OSTN: variants seen among roughly 807,000 people sequenced by gnomAD.
The protein encoded by OSTN is osteocrin.
A neutral mutation model predicts 12.0 loss-of-function variants in OSTN; 9 were observed. The ratio of observed to expected loss-of-function variants is 0.75; its 90% confidence interval spans 0.45 to 1.30. The LOEUF (loss-of-function observed/expected upper bound fraction) is 1.30. Ranked by LOEUF, OSTN falls within the 50% of genes most tolerant of loss-of-function variation. OSTN has a pLI of 0.00. For missense variants in OSTN, 148 were observed against 152.3 expected, an observed-to-expected ratio of 0.97 and a Z score of 0.15; for synonymous variants, 59 against 56.9, an observed-to-expected ratio of 1.04 and a Z score of -0.16.
At chr3:191,199,710 T>G (rs1295026872) in intron 1 of OSTN, among the ~76,000 whole-genome samples, 2 of 152,122 alleles carry the variant, frequency 1.3e-5, no homozygotes, top group Non-Finnish European at 1.5e-5. Flanking sequence ...ATTATTTCTA[T>G]CAAAACTGGA....
intron 3 of OSTN, among the ~76,000 whole-genome samples, chr3:191,249,662 T>A (rs1429169294): frequency 6.6e-6 from 1 of 152,150 alleles, no homozygotes; most frequent in African/African-American, 2.4e-5. Flanking sequence ...AAACTACTTA[T>A]CCAGTTTAAT....
intron 4 of OSTN, among the ~76,000 whole-genome samples, 184 bp from the exon 5 acceptor site, chr3:191,262,682 A>G (rs1303136183): frequency 6.6e-6 from 1 of 152,244 alleles, no homozygotes; most frequent in Non-Finnish European, 1.5e-5. Flanking sequence ...TTTTTAATGT[A>G]TTTTGAACTG....
At chr3:191,217,309 G>A (rs751700584) in intron 2 of OSTN, 5 of 152,068 alleles carry the variant, frequency 3.3e-5, no homozygotes, top group Non-Finnish European at 7.3e-5. Context: ...GGGAGTATGA[G>A]GATTACAATT....
intron 3 of OSTN, among the ~76,000 whole-genome samples, chr3:191,221,781 A>G (rs1218701636): frequency 6.6e-6 from 1 of 152,248 alleles, no homozygotes; most frequent in African/African-American, 2.4e-5. Flanking sequence ...AATAACTAGA[A>G]GCAAAATGCT....
chr3:191,241,293 C>T (rs1310168243), intron 3 of OSTN, among the ~76,000 whole-genome samples: 1 of 150,174 alleles, frequency 6.7e-6, no homozygotes, highest in African/African-American at 2.4e-5. Flanking sequence ...ATTCTCCTGG[C>T]TCAGCCTACC....
chr3:191,216,884 C>A (rs952619136), intron 2 of OSTN, among the ~76,000 whole-genome samples: 2 of 152,194 alleles, frequency 1.3e-5, no homozygotes, highest in Admixed American at 1.3e-4. Context: ...TCTTCTGAGC[C>A]CTCCCAACTG....
rs189672582 is a variant in OSTN, at chr3:191,241,292, G to C, written c.318-8745G>C. On this transcript the variant is annotated intron_variant, in intron 3 of 4. Transcript: ENST00000682035. ...CTCCCGGGTTCACGCCATTCTCCTG[G>C]CTCAGCCTACCTACCGAGTAGATGG... Among the ~76,000 whole-genome samples the C allele has an allele frequency of 6.3e-3, 943 of 148,840 alleles. 6 individuals are homozygous for C. The highest frequency in any genetic ancestry group is 7.4e-3 in the Non-Finnish European group (497 of 67,484).
chr3:191,257,185 CAAAAAA>C (rs71175391), intron 4 of OSTN, among the ~76,000 whole-genome samples: 1 of 72,166 alleles, frequency 1.4e-5, no homozygotes, highest in African/African-American at 4.6e-5. Context: ...AACCCTCTCT[CAAAAAA>C]AAAAAAAAAA....
chr3:191,243,609 A>C (rs529892286), intron 3 of OSTN, among the ~76,000 whole-genome samples: 1 of 151,396 alleles, frequency 6.6e-6, no homozygotes, highest in East Asian at 1.9e-4. Flanking sequence ...TAGGGTGTAC[A>C]GTATGTTCTG....
chr3:191,260,115 C>G (rs2108557620), intron 4 of OSTN, among the ~76,000 whole-genome samples: 1 of 152,178 alleles, frequency 6.6e-6, no homozygotes, highest in African/African-American at 2.4e-5. Context: ...TCCCAAAGTG[C>G]TGGGATTACA....
intron 1 of OSTN, among the ~76,000 whole-genome samples, chr3:191,206,440 CTGAAAG>C (rs1470674144): frequency 6.6e-6 from 1 of 152,088 alleles, no homozygotes; most frequent in East Asian, 1.9e-4. Flanking sequence ...TTTAAAAATA[CTGAAAG>C]TGAAAGAGGA....
intron 1 of OSTN, among the ~76,000 whole-genome samples, chr3:191,205,591 G>T (rs1435245946): frequency 6.8e-6 from 1 of 148,110 alleles, no homozygotes; most frequent in Non-Finnish European, 1.5e-5. Context: ...TTAAGATCAT[G>T]ATTACTGAGA....
intron 3 of OSTN, among the ~76,000 whole-genome samples, chr3:191,241,327 C>T (rs925974973): frequency 6.6e-6 from 1 of 151,732 alleles, no homozygotes; most frequent in African/African-American, 2.4e-5. Flanking sequence ...GGAATACAGG[C>T]GCTCGCCAGC....
intron 3 of OSTN, among the ~76,000 whole-genome samples, chr3:191,248,400 G>GAA (rs1473872626): frequency 1.3e-5 from 2 of 152,066 alleles, no homozygotes; most frequent in African/African-American, 2.4e-5. Flanking sequence ...ATCATAATAA[G>GAA]AAAAGCCTCG....
chr3:191,253,029 G>A (rs1715595154), intron 4 of OSTN, among the ~76,000 whole-genome samples: 1 of 152,212 alleles, frequency 6.6e-6, no homozygotes, highest in Non-Finnish European at 1.5e-5. Flanking sequence ...CTTGGGCAGA[G>A]CAAAATCTGG....
At chr3:191,259,927 TTAC>T (rs1715767790) in intron 4 of OSTN, among the ~76,000 whole-genome samples, 2 of 149,182 alleles carry the variant, frequency 1.3e-5, no homozygotes, top group South Asian at 4.3e-4. Flanking sequence ...CAATCTCGAC[TTAC>T]TGCAACCTCC....
In OSTN at chr3:191,220,765, G is replaced by T. The variant is rs148529360; in HGVS notation, c.317+1804G>T. 2.1e-3 allele frequency among the ~76,000 whole-genome samples: 325 copies of T among 152,206 alleles called. 1 individual carries two copies. Among genetic ancestry groups the T allele is most frequent in the Admixed American group, 4.5e-3 (69 of 15,288 alleles). On this transcript the variant is annotated intron_variant, in intron 3 of 4. Coordinates refer to ENST00000682035, the MANE Select transcript of OSTN (RefSeq NM_198184.2). ...ATAAATGTTATTTATTTGGCTCCTG[G>T]ATATTTCAACATGGTCAACTAAATA...
intron 3 of OSTN, among the ~76,000 whole-genome samples, chr3:191,238,789 G>A (rs1159020340): frequency 6.6e-6 from 1 of 152,214 alleles, no homozygotes; most frequent in Non-Finnish European, 1.5e-5. Context: ...TCTCAGCTCA[G>A]CTCAAGACCA....
rs1259633617 is a variant in OSTN, at chr3:191,263,977, T to C, written c.*1124T>C. Reference sequence around the variant, plus strand: ...AAAAAAACTTTCTATGGAACAGAGATTCATCATAAGTTACTTAGCAGAAGT... The same window carrying C: ...AAAAAAACTTTCTATGGAACAGAGACTCATCATAAGTTACTTAGCAGAAGT... On this transcript the variant is annotated 3_prime_UTR_variant, in exon 5 of 5. Coordinates refer to ENST00000682035, the MANE Select transcript of OSTN (RefSeq NM_198184.2). 6 of 152,072 alleles carry C rather than the reference T, an allele frequency of 3.9e-5. No homozygotes were observed. The highest frequency in any genetic ancestry group is 9.7e-5 in the African/African-American group (4 of 41,438). 9.4% of individuals were successfully genotyped at this position (152,072 alleles called of 1,614,324 possible).
Sources: allele counts gnomAD v4.1 joint callset (sites outside exome capture counted in the v4.1 genomes callset), GRCh38; gene constraint gnomAD v4.1.1; transcripts MANE v1.5; gene names NCBI Gene and HGNC (gene_info 2026-07-23, HGNC 2026-07-21).